The following EEFSEC variants were observed in gnomAD, a reference collection of about 807,000 sequenced individuals.
EEFSEC encodes eukaryotic elongation factor, selenocysteine-tRNA specific.
EEFSEC carries 43 observed loss-of-function variants against 42.1 expected under a neutral mutation model. The observed-to-expected ratio is 1.02, with a 90% CI of 0.80 to 1.32. The LOEUF (loss-of-function observed/expected upper bound fraction) is 1.32. Among genes scored for constraint, EEFSEC ranks in the 40% most tolerant of loss-of-function variants. The pLI is 0.00. For missense variants in EEFSEC, 745 were observed against 803.6 expected, an observed-to-expected ratio of 0.93 and a Z score of 0.88; for synonymous variants, 354 against 339.1, an observed-to-expected ratio of 1.04 and a Z score of -0.48.
chr3:128,379,183 C>T (rs1045685327), intron 6 of EEFSEC, among the ~76,000 whole-genome samples: 8 of 152,216 alleles, frequency 5.3e-5, no homozygotes, highest in African/African-American at 1.9e-4. Context: ...GCAGGAATGC[C>T]CTGACAGGGC....
At chr3:128,313,747 A>G (rs573971390) in intron 4 of EEFSEC, among the ~76,000 whole-genome samples, 1 of 152,256 alleles carries the variant, frequency 6.6e-6, no homozygotes, top group Non-Finnish European at 1.5e-5. Context: ...TCATGTGGAC[A>G]TATATGAATG....
intron 4 of EEFSEC, among the ~76,000 whole-genome samples, chr3:128,276,874 G>C (rs575636624): frequency 1.3e-5 from 2 of 152,186 alleles, no homozygotes; most frequent in Admixed American, 6.5e-5. Context: ...AAGAGTGTGG[G>C]AATGCTGGGC....
At chr3:128,212,805 T>C (rs942872230) in intron 1 of EEFSEC, among the ~76,000 whole-genome samples, 1 of 152,096 alleles carries the variant, frequency 6.6e-6, no homozygotes, top group Non-Finnish European at 1.5e-5. Context: ...GCCAACATGA[T>C]GAAATGAAGC....
chr3:128,290,434 C>G (rs958867079), intron 4 of EEFSEC, among the ~76,000 whole-genome samples: 1 of 152,110 alleles, frequency 6.6e-6, no homozygotes, highest in Admixed American at 6.5e-5. Context: ...GCTCTGTTTA[C>G]GTTTATTGTC....
At chr3:128,192,233 T>G (rs754883082) in intron 1 of EEFSEC, among the ~76,000 whole-genome samples, 6 of 152,186 alleles carry the variant, frequency 3.9e-5, no homozygotes, top group Non-Finnish European at 8.8e-5. Flanking sequence ...CCTATCCATC[T>G]GTAAAACAGG....
At chr3:128,287,529 G>A (rs577962805) in intron 4 of EEFSEC, among the ~76,000 whole-genome samples, 1 of 152,342 alleles carries the variant, frequency 6.6e-6, no homozygotes, top group Non-Finnish European at 1.5e-5. Flanking sequence ...AAGGCTAGCT[G>A]TAGACAAAAG....
chr3:128,300,975 A>C (rs2066761221), intron 4 of EEFSEC, among the ~76,000 whole-genome samples: 1 of 151,942 alleles, frequency 6.6e-6, no homozygotes, highest in African/African-American at 2.4e-5. Context: ...TTGTCTATTT[A>C]AGCTGATTTC....
At chr3:128,413,411 C>A (rs972090741), downstream of EEFSEC, among the ~76,000 whole-genome samples, 1 of 152,146 alleles carries the variant, frequency 6.6e-6, no homozygotes, top group African/African-American at 2.4e-5. Flanking sequence ...GTGCAGGGAC[C>A]TCAGAGGGCA....
the EEFSEC span, among the ~76,000 whole-genome samples, chr3:128,418,117 G>A: frequency 6.6e-6 from 1 of 151,996 alleles, no homozygotes; most frequent in Non-Finnish European, 1.5e-5. Context: ...CCCACCACTG[G>A]AGTCCCCAGA....
chr3:128,230,463 C>T (rs1185036584), intron 1 of EEFSEC, among the ~76,000 whole-genome samples: 1 of 152,180 alleles, frequency 6.6e-6, no homozygotes, highest in Non-Finnish European at 1.5e-5. Context: ...CCACTGGAGG[C>T]TTTTATATTT....
At chr3:128,347,390 G>A (rs550286361) in intron 5 of EEFSEC, among the ~76,000 whole-genome samples, 111 of 152,290 alleles carry the variant, frequency 7.3e-4, no homozygotes, top group Non-Finnish European at 1.5e-3. Flanking sequence ...GTTTAGGAAA[G>A]ACTACTAGAG....
intron 1 of EEFSEC, among the ~76,000 whole-genome samples, chr3:128,171,815 T>C (rs1332310820): frequency 4.2e-5 from 6 of 141,786 alleles, no homozygotes; most frequent in African/African-American, 1.4e-4. Context: ...ATTCAACCAA[T>C]TGAAGATTGA....
intron 6 of EEFSEC, chr3:128,367,611 C>T: frequency 1.0e-6 from 1 of 984,130 alleles, no homozygotes; most frequent in Non-Finnish European, 1.2e-6. Flanking sequence ...TGCCGTGAGA[C>T]TGCAACATTG....
At chr3:128,355,297 G>A (rs1489767991) in intron 5 of EEFSEC, among the ~76,000 whole-genome samples, 2 of 152,144 alleles carry the variant, frequency 1.3e-5, no homozygotes. Context: ...CAGTCCTGGG[G>A]GCCAAGGGGA....
chr3:128,383,965 C>CATTTGTA (rs2067808626), intron 6 of EEFSEC, among the ~76,000 whole-genome samples: 2 of 152,216 alleles, frequency 1.3e-5, no homozygotes, highest in South Asian at 4.1e-4. Context: ...AAGTTCAGAA[C>CATTTGTA]TGTATGTCAA....
intron 1 of EEFSEC, among the ~76,000 whole-genome samples, chr3:128,205,934 G>A (rs1156434521): frequency 6.6e-6 from 1 of 152,198 alleles, no homozygotes; most frequent in Non-Finnish European, 1.5e-5. Context: ...CATTTTGGGA[G>A]TGGGGTGTGC....
rs148987112 is a variant in EEFSEC, at chr3:128,200,252, C to T, written c.316+46429C>T. Among the ~76,000 whole-genome samples the T allele has an allele frequency of 8.8e-3, 1,335 of 152,260 alleles. 11 individuals are homozygous for T. The highest frequency in any genetic ancestry group is 0.012 in the Non-Finnish European group (831 of 68,012). On this transcript the variant is annotated intron_variant, in intron 1 of 6. Coordinates refer to ENST00000254730, the MANE Select transcript of EEFSEC (RefSeq NM_021937.5). ...ATGAGCCAGACCTCCAGTTCTGTGGCGGTAACACAAGGAAATCTTTCTCCA... is the reference window on the plus strand; with the variant it reads ...ATGAGCCAGACCTCCAGTTCTGTGGTGGTAACACAAGGAAATCTTTCTCCA...
intron 1 of EEFSEC, among the ~76,000 whole-genome samples, chr3:128,196,491 A>G (rs1214994280): frequency 6.6e-6 from 1 of 152,266 alleles, no homozygotes; most frequent in Non-Finnish European, 1.5e-5. Context: ...GGGTAATAAC[A>G]GTATAAGGAA....
At chr3:128,295,223 G>A (rs550043293) in intron 4 of EEFSEC, among the ~76,000 whole-genome samples, 1 of 152,322 alleles carries the variant, frequency 6.6e-6, no homozygotes, top group Admixed American at 6.5e-5. Context: ...CCTCAGCCCT[G>A]CCTTTGGTGG....
Sources: allele counts gnomAD v4.1 joint callset (sites outside exome capture counted in the v4.1 genomes callset), GRCh38; gene constraint gnomAD v4.1.1; transcripts MANE v1.5; gene names NCBI Gene and HGNC (gene_info 2026-07-23, HGNC 2026-07-21).